Variants in ECT2L observed in about 807,000 individuals in gnomAD.
ECT2L encodes the protein epithelial cell-transforming sequence 2 oncogene-like.
ECT2L carries 126 observed loss-of-function variants against 122.8 expected under a neutral mutation model. The ratio of observed to expected loss-of-function variants is 1.03; its 90% confidence interval spans 0.89 to 1.19. The LOEUF (loss-of-function observed/expected upper bound fraction) is 1.19, where lower values mean the gene tolerates loss of function less well. Among genes scored for constraint, ECT2L ranks in the 50% most tolerant of loss-of-function variants. The pLI is 0.00. For missense variants in ECT2L, 1,012 were observed against 1,064.1 expected (o/e 0.95, Z 0.68); for synonymous variants, 385 against 381.8 (o/e 1.01, Z -0.10).
intron 20 of ECT2L, among the ~76,000 whole-genome samples, chr6:138,895,996 C>T (rs1483580108): frequency 6.6e-6 from 1 of 151,926 alleles, no homozygotes. Context: ...AGGACATGGA[C>T]CATTATTTTG....
chr6:138,883,278 A>G (rs1235885038), intron 16 of ECT2L, among the ~76,000 whole-genome samples: 1 of 152,226 alleles, frequency 6.6e-6, no homozygotes, highest in East Asian at 1.9e-4. Flanking sequence ...AATTTATGAA[A>G]TGTCACTATC....
At chr6:138,853,270 TTTTG>T (rs1403550808) in intron 9 of ECT2L, among the ~76,000 whole-genome samples, 8 of 152,164 alleles carry the variant, frequency 5.3e-5, no homozygotes, top group African/African-American at 1.9e-4. Context: ...CTGGCCCTTA[TTTTG>T]TTTTTCTTAA....
chr6:138,832,173 T>C (rs531988542), intron 4 of ECT2L, among the ~76,000 whole-genome samples: 6 of 143,466 alleles, frequency 4.2e-5, no homozygotes, highest in African/African-American at 1.5e-4. Flanking sequence ...TATTTTTTAC[T>C]TCAAATGTCT....
At chr6:138,884,645 C>CA in intron 16 of ECT2L, among the ~76,000 whole-genome samples, 1 of 150,680 alleles carries the variant, frequency 6.6e-6, no homozygotes, top group Admixed American at 6.6e-5. Flanking sequence ...CTCAAAAAAA[C>CA]AAAAAACAAA....
chr6:138,880,946 C>T lies in ECT2L; in HGVS notation c.1666-11C>T. ...CCATCACTGACTTGAGTTCTTAACA[C>T]TTCTCTACAGGAGAGAATACTCCAG... is the stretch of plus-strand genomic sequence containing the variant. On this transcript the variant is annotated splice_polypyrimidine_tract_variant and intron_variant, in intron 14 of 21. Transcript: ENST00000541398. The T allele has an allele frequency of 6.2e-7, 1 of 1,610,916 alleles. No homozygotes were observed. The highest frequency in any genetic ancestry group is 8.5e-7 in the Non-Finnish European group (1 of 1,177,748).
At chr6:138,808,872 A>G (rs1381716092) in intron 1 of ECT2L, among the ~76,000 whole-genome samples, 1 of 151,918 alleles carries the variant, frequency 6.6e-6, no homozygotes, top group African/African-American at 2.4e-5. Context: ...GACTACAGGC[A>G]TGCACCACCA....
chr6:138,873,849 CG>C (rs1315613622), intron 13 of ECT2L, among the ~76,000 whole-genome samples: 1 of 145,410 alleles, frequency 6.9e-6, no homozygotes, highest in Non-Finnish European at 1.5e-5. Context: ...TTGTGTAATA[CG>C]GATTATCTGT....
intron 1 of ECT2L, among the ~76,000 whole-genome samples, chr6:138,799,686 A>G (rs567964628): frequency 3.3e-5 from 5 of 151,996 alleles, no homozygotes; most frequent in Non-Finnish European, 7.4e-5. Context: ...CAGCCTCCCA[A>G]CTAGCTAGGA....
chr6:138,890,640 G>C (rs1054306728), intron 20 of ECT2L, among the ~76,000 whole-genome samples: 2 of 151,140 alleles, frequency 1.3e-5, no homozygotes, highest in East Asian at 3.9e-4. Flanking sequence ...TTGATTATTA[G>C]ATTATTCTAC....
chr6:138,798,186 A>G (rs965458970), intron 1 of ECT2L, among the ~76,000 whole-genome samples: 3 of 152,200 alleles, frequency 2.0e-5, no homozygotes, highest in Admixed American at 6.5e-5. Flanking sequence ...TGGGATTTTA[A>G]TGGAGGATTC....
rs1405048898 is a variant in ECT2L, at chr6:138,862,730, TGGGAGC to T, written c.1291+12_1291+17del. On this transcript the variant is annotated intron_variant, in intron 11 of 21. Coordinates refer to ENST00000541398, the MANE Select transcript of ECT2L (RefSeq NM_001077706.3). Reference sequence around the variant, plus strand: ...GCTCTTACCAGCACAGTAAGTGTTATGGGAGCTGAGCGCCACGTCCAATAACACAAG... The same window carrying T: ...GCTCTTACCAGCACAGTAAGTGTTATTGAGCGCCACGTCCAATAACACAAG... 3 of 1,612,568 alleles carry T rather than the reference TGGGAGC, an allele frequency of 1.9e-6. No homozygotes were observed. The African/African-American group carries it at 4.0e-5, about 22-fold the overall frequency.
intron 20 of ECT2L, among the ~76,000 whole-genome samples, chr6:138,900,699 T>C (rs1779367926): frequency 6.6e-6 from 1 of 152,112 alleles, no homozygotes; most frequent in African/African-American, 2.4e-5. Context: ...CAAATACTTG[T>C]CCCATGGACA....
intron 1 of ECT2L, among the ~76,000 whole-genome samples, chr6:138,798,179 G>T (rs1253396701): frequency 6.6e-6 from 1 of 152,182 alleles, no homozygotes; most frequent in African/African-American, 2.4e-5. Context: ...TGTCCTTTGG[G>T]ATTTTAATGG....
Position 138,895,564 on chromosome 6 carries a change from T to C in ECT2L, c.2415-5384T>C, listed in dbSNP as rs987224409. Among the ~76,000 whole-genome samples, 5 of 127,492 alleles carry C rather than the reference T, an allele frequency of 3.9e-5. No homozygotes were observed. The South Asian group carries it at 1.1e-3, about 29-fold the overall frequency. 83.6% of individuals were successfully genotyped at this position (127,492 alleles called of 152,430 possible). On this transcript the variant is annotated intron_variant, in intron 20 of 21. Transcript: ENST00000541398. ...CTAACATAGTAACAATTACTAAACA[T>C]ATATATATATATTTTTCTTTTTCTG...
intron 14 of ECT2L, chr6:138,879,186 C>A: frequency 3.4e-6 from 1 of 297,398 alleles, no homozygotes. Flanking sequence ...CCTTGCTATT[C>A]ACAATAGGCT....
At chr6:138,867,544 TCACGC>T (rs1778088664) in intron 12 of ECT2L, among the ~76,000 whole-genome samples, 1 of 150,922 alleles carries the variant, frequency 6.6e-6, no homozygotes, top group South Asian at 2.1e-4. Context: ...CTGCAGTGGC[TCACGC>T]CTGTAATCCC....
rs138183319 is a variant in ECT2L, at chr6:138,878,582, G to A, written c.1665+2024G>A. Among the ~76,000 whole-genome samples the A allele has an allele frequency of 5.8e-3, 883 of 152,194 alleles. 10 individuals carry two copies. The highest frequency in any genetic ancestry group is 1.0e-2 in the Non-Finnish European group (680 of 68,020). Reference sequence around the variant, plus strand: ...CTGCCTCAGCCTCCTGAGTAGCTGGGATTACAGGCATGTGCTACCACACCC... The same window carrying A: ...CTGCCTCAGCCTCCTGAGTAGCTGGAATTACAGGCATGTGCTACCACACCC... On this transcript the variant is annotated intron_variant, in intron 14 of 21. Transcript: ENST00000541398.
intron 13 of ECT2L, among the ~76,000 whole-genome samples, chr6:138,868,550 C>G (rs529266614): frequency 4.0e-5 from 6 of 151,464 alleles, no homozygotes; most frequent in Admixed American, 3.3e-4. Context: ...AACAGAGAAA[C>G]CAATTCCTAG....
rs1328651901 is a variant in ECT2L, at chr6:138,903,642, ATGAAAT to A, written c.*1016_*1021del. On this transcript the variant is annotated 3_prime_UTR_variant, in exon 22 of 22. Coordinates refer to ENST00000541398, the MANE Select transcript of ECT2L (RefSeq NM_001077706.3). ...ATGGAAACAGCAAAACTTGCTTGTAATGAAATACAGCTGAGTAAAAATGTTTCTTTG... is the reference window on the plus strand; with the variant it reads ...ATGGAAACAGCAAAACTTGCTTGTAAACAGCTGAGTAAAAATGTTTCTTTG... The A allele has an allele frequency of 6.6e-6, 1 of 152,238 alleles. No homozygotes were observed. The highest frequency in any genetic ancestry group is 1.5e-5 in the Non-Finnish European group (1 of 68,038). The allele number at this position is 152,238 out of a possible 1,614,324, so 9.4% of individuals were successfully genotyped here.
Sources: gnomAD v4.1 joint callset for allele counts (sites outside exome capture counted in the v4.1 genomes callset) on GRCh38, gnomAD v4.1.1 for gene constraint, MANE v1.5 for transcripts, NCBI Gene and HGNC (gene_info 2026-07-23, HGNC 2026-07-21) for gene names.